CDON: variants seen among roughly 807,000 people sequenced by gnomAD.
CDON encodes the protein cell adhesion molecule-related/down-regulated by oncogenes.
A neutral mutation model predicts 120.9 loss-of-function variants in CDON; 73 were observed. The ratio of observed to expected loss-of-function variants is 0.60; its 90% CI spans 0.50 to 0.73. The LOEUF (loss-of-function observed/expected upper bound fraction) is 0.73, where lower values mean the gene tolerates loss of function less well. Ranked by LOEUF, CDON falls within the 30% of genes least tolerant of loss-of-function variation. CDON has a pLI of 0.00. For missense variants in CDON, 1,470 were observed against 1,587.3 expected, an observed-to-expected ratio of 0.93 and a Z score of 1.26; for synonymous variants, 566 against 573.5, an observed-to-expected ratio of 0.99 and a Z score of 0.19.
At chr11:126,004,183 T>C in intron 9 of CDON, 107 bp from the exon 10 acceptor site, 2 of 1,126,740 alleles carry the variant, frequency 1.8e-6, no homozygotes, top group Non-Finnish European at 2.6e-6. Context: ...TAGAAGAGTT[T>C]TAAGAAGTAA....
intron 18 of CDON, among the ~76,000 whole-genome samples, chr11:125,969,951 C>T (rs1027246318): frequency 2.0e-5 from 3 of 152,054 alleles, no homozygotes; most frequent in Non-Finnish European, 4.4e-5. Context: ...AGAATGTATT[C>T]GAAGTATTCC....
rs111937900 is a variant in CDON, at chr11:126,025,189, A to T, written c.-61-1652T>A. On this transcript the variant is annotated intron_variant, in intron 1 of 19. Transcript: ENST00000531738. The stretch of plus-strand genomic sequence containing the variant: ...CACTGCATTCCAGGCTGGGCAACAG[A>T]GCCAGACTCCATATCAAAAAAATAA... 7.0e-3 allele frequency among the ~76,000 whole-genome samples: 1,072 copies of T among 152,270 alleles called. 13 individuals are homozygous for T. Among genetic ancestry groups the T allele is most frequent in the African/African-American group, 0.024 (1,004 of 41,540 alleles).
At chr11:126,046,843 G>A (rs1157936867) in intron 1 of CDON, among the ~76,000 whole-genome samples, 1 of 152,150 alleles carries the variant, frequency 6.6e-6, no homozygotes, top group East Asian at 1.9e-4. Context: ...ATTTCTTTCT[G>A]TGAGGCACCT....
chr11:126,016,629 C>T (rs533788755), intron 6 of CDON, among the ~76,000 whole-genome samples: 5 of 152,038 alleles, frequency 3.3e-5, no homozygotes, highest in African/African-American at 1.2e-4. Context: ...GATGGGGTTT[C>T]GCCATATTGC....
chr11:126,029,789 A>C (rs1236069827), intron 1 of CDON, among the ~76,000 whole-genome samples: 1 of 152,158 alleles, frequency 6.6e-6, no homozygotes, highest in Non-Finnish European at 1.5e-5. Flanking sequence ...CGACATTCTG[A>C]GTGGGTGATT....
chr11:126,006,226 T>C (rs1947126561), intron 8 of CDON, among the ~76,000 whole-genome samples, 169 bp from the exon 9 acceptor site: 2 of 152,200 alleles, frequency 1.3e-5, no homozygotes, highest in African/African-American at 4.8e-5. Flanking sequence ...TAACCTCTAA[T>C]TGCAATCTTT....
At chr11:125,994,830 G>A in intron 13 of CDON, 41 bp downstream of exon 13, 2 of 1,559,878 alleles carry the variant, frequency 1.3e-6, no homozygotes, top group Non-Finnish European at 1.8e-6. Context: ...TTGTTAACAT[G>A]ACCAAACCAC....
rs141453032 is a variant in CDON, at chr11:126,028,239, C to CA, written c.-61-4703dup. ...ATCTCGCCACCTATAGATAGCATGT[C>CA]AACATTCTGATGCACTTCCTTCTCA... On this transcript the variant is annotated intron_variant, in intron 1 of 19. Transcript: ENST00000531738. Among the ~76,000 whole-genome samples the CA allele has an allele frequency of 0.011, 1,738 of 152,216 alleles. 59 individuals are homozygous for CA. In the East Asian group the frequency reaches 0.12, roughly 10 times the overall value.
chr11:126,011,007 C>T (rs1457444959), intron 7 of CDON: 3 of 437,708 alleles, frequency 6.9e-6, no homozygotes, highest in East Asian at 6.6e-5. Context: ...AAATATAGAA[C>T]ATATAAGGTT....
chr11:126,004,039 G>T lies in CDON; in HGVS notation c.1889C>A (p.Thr630Lys). Reference sequence around the variant, plus strand: ...ATTTTCACTTCCTGGGACTCGAACCGTGTGCCAGCTTCCCAGCATGCCAAC... The same window carrying T: ...ATTTTCACTTCCTGGGACTCGAACCTTGTGCCAGCTTCCCAGCATGCCAAC... Reference protein sequence around the residue: ...DGVGMLGSWHTVRVPGSENEL... With the variant: ...DGVGMLGSWHKVRVPGSENEL... Residue 630 changes from threonine to lysine, a missense_variant, in exon 10 of 20, where the codon ACG becomes AAG. Thr to Lys is a moderately conservative substitution (Grantham distance 78). Transcript: ENST00000531738. 6.2e-7 allele frequency: 1 copy of T among 1,613,958 alleles called. No individual in the cohort carries two copies. Among genetic ancestry groups the T allele is most frequent in the Non-Finnish European group, 8.5e-7 (1 of 1,180,006 alleles).
intron 17 of CDON, among the ~76,000 whole-genome samples, chr11:125,979,822 G>GT (rs1565499691): frequency 1.3e-5 from 2 of 152,168 alleles, no homozygotes; most frequent in Non-Finnish European, 2.9e-5. Flanking sequence ...AATACATGCT[G>GT]TATCTTTCCA....
In CDON at chr11:126,034,244, T is replaced by C. The variant is rs557637639; in HGVS notation, c.-61-10707A>G. 6.6e-6 allele frequency among the ~76,000 whole-genome samples: 1 copy of C among 152,296 alleles called. No individual in the cohort carries two copies. The highest frequency in any genetic ancestry group is 1.9e-4 in the East Asian group (1 of 5,176). ...CCTGCTGCCTGCGAAAGCATTTCCT[T>C]TCACCGTGGACTGCCAAAAGTAGAG... is the stretch of plus-strand genomic sequence containing the variant. On this transcript the variant is annotated intron_variant, in intron 1 of 19. Coordinates refer to ENST00000531738, the MANE Select transcript of CDON (RefSeq NM_001378964.1). The surrounding 1 kb of genome is among the most constrained non-coding windows in gnomAD (Gnocchi z 4.5).
intron 18 of CDON, among the ~76,000 whole-genome samples, chr11:125,966,523 C>T (rs973737906): frequency 2.0e-5 from 3 of 152,050 alleles, no homozygotes; most frequent in Non-Finnish European, 4.4e-5. Context: ...AGTCTCTCTG[C>T]AGGGGGAAAG....
intron 18 of CDON, 117 bp from the exon 19 acceptor site, chr11:125,962,115 A>G (rs752063571): frequency 6.5e-5 from 52 of 804,414 alleles, no homozygotes; most frequent in Non-Finnish European, 1.0e-4. Flanking sequence ...AGAAAGAGTG[A>G]TGCTTAAAAA....
intron 10 of CDON, 74 bp downstream of exon 10, chr11:126,003,828 T>A: frequency 2.8e-6 from 4 of 1,408,188 alleles, no homozygotes; most frequent in South Asian, 1.2e-5. Flanking sequence ...TCAAAAAAAA[T>A]AAATTAATAA....
intron 7 of CDON, among the ~76,000 whole-genome samples, chr11:126,011,233 A>G (rs536205427): frequency 6.6e-6 from 1 of 152,310 alleles, no homozygotes; most frequent in East Asian, 1.9e-4. Context: ...TTTTGTTTCT[A>G]AATTAAAGTG....
At chr11:125,975,797 T>C (rs1946135775) in intron 18 of CDON, among the ~76,000 whole-genome samples, 2 of 152,248 alleles carry the variant, frequency 1.3e-5, no homozygotes, top group African/African-American at 4.8e-5. Context: ...TTCATTCTTA[T>C]GTAAACATTA....
intron 1 of CDON, among the ~76,000 whole-genome samples, chr11:126,024,471 GAT>G (rs1231997793): frequency 6.6e-6 from 1 of 152,188 alleles, no homozygotes; most frequent in Non-Finnish European, 1.5e-5. Context: ...CAAAGGCTTG[GAT>G]ATAGAGTGTG....
intron 15 of CDON, among the ~76,000 whole-genome samples, chr11:125,989,396 C>T (rs569396501): frequency 2.2e-4 from 34 of 152,052 alleles, no homozygotes; most frequent in Non-Finnish European, 4.0e-4. Flanking sequence ...ATTAGCCAGG[C>T]GTGGTGGTGC....
Sources: gnomAD v4.1 joint callset for allele counts (sites outside exome capture counted in the v4.1 genomes callset) on GRCh38, gnomAD v4.1.1 for gene constraint, Gnocchi (gnomAD v3.1) non-coding constraint, MANE v1.5 for transcripts, NCBI Gene and HGNC (gene_info 2026-07-23, HGNC 2026-07-21) for gene names.